The following GADL1 variants were observed in gnomAD, a reference collection of about 807,000 sequenced individuals.
GADL1 encodes the protein acidic amino acid decarboxylase GADL1.
GADL1 carries 71 observed loss-of-function variants against 69.5 expected under a neutral mutation model. The observed-to-expected ratio is 1.02, with a 90% CI of 0.84 to 1.25. The LOEUF (loss-of-function observed/expected upper bound fraction) is 1.25, where lower values mean the gene tolerates loss of function less well. GADL1 is among the 50% of genes most tolerant of loss of function. GADL1 has a pLI of 0.00. For missense variants in GADL1, 737 were observed against 631.8 expected (o/e 1.17, Z -1.79); for synonymous variants, 254 against 214.4 (o/e 1.18, Z -1.62).
chr3:30,754,977 A>AG (rs554283247), intron 14 of GADL1, among the ~76,000 whole-genome samples: 1,667 of 152,216 alleles, frequency 0.011, 21 homozygotes, highest in African/African-American at 0.038. Context: ...GCAGACCAAA[A>AG]CGGGGGAGCA....
chr3:30,767,217 C>A (rs1696302360), intron 14 of GADL1, among the ~76,000 whole-genome samples: 2 of 152,130 alleles, frequency 1.3e-5, no homozygotes, highest in African/African-American at 4.8e-5. Context: ...GCATTATTTA[C>A]TTCAGAATCA....
intron 14 of GADL1, among the ~76,000 whole-genome samples, chr3:30,768,120 G>A (rs1292765719): frequency 6.8e-6 from 1 of 147,408 alleles, no homozygotes; most frequent in East Asian, 2.0e-4. Flanking sequence ...CATTGCAAAT[G>A]TATACAGACT....
intron 1 of GADL1, among the ~76,000 whole-genome samples, chr3:30,886,861 T>C (rs1487447804): frequency 6.6e-6 from 1 of 152,168 alleles, no homozygotes; most frequent in Non-Finnish European, 1.5e-5. Flanking sequence ...TAGGGTACAT[T>C]GGAGCTTCGG....
At chr3:30,782,115 G>A (rs560510972) in intron 13 of GADL1, among the ~76,000 whole-genome samples, 1 of 152,294 alleles carries the variant, frequency 6.6e-6, no homozygotes, top group Admixed American at 6.5e-5. Context: ...AGCTAGAAAC[G>A]AAGATGGGAG....
At chr3:30,808,034 G>C (rs1697286796) in intron 11 of GADL1, among the ~76,000 whole-genome samples, 1 of 152,062 alleles carries the variant, frequency 6.6e-6, no homozygotes, top group African/African-American at 2.4e-5. Flanking sequence ...CCCTTCGGGG[G>C]GGAAATAAAA....
intron 6 of GADL1, among the ~76,000 whole-genome samples, chr3:30,846,366 C>T (rs1385251516): frequency 2.6e-5 from 4 of 152,176 alleles, no homozygotes; most frequent in African/African-American, 9.6e-5. Context: ...GATAAAATAG[C>T]AAGTGCCTAC....
rs550228045 is a variant in GADL1 at position 30,728,838 on chromosome 3, C to T, written c.1393-423G>A. Among the ~76,000 whole-genome samples the T allele has an allele frequency of 2.6e-5, 4 of 152,046 alleles. No individual in the cohort carries two copies. The South Asian group carries it at 6.2e-4, about 24-fold the overall frequency. The stretch of plus-strand genomic sequence containing the variant: ...TCAAATTTGTCTTAACTAAAAAACA[C>T]CCCAGTTCAGGTATCTTGAATAAAG... On this transcript the variant is annotated intron_variant, in intron 14 of 14. Transcript: ENST00000282538.
At chr3:30,811,435 G>T (rs777631764) in intron 11 of GADL1, among the ~76,000 whole-genome samples, 4 of 152,110 alleles carry the variant, frequency 2.6e-5, no homozygotes, top group Non-Finnish European at 5.9e-5. Flanking sequence ...AGTACAATCG[G>T]TCTTCTCTCT....
At chr3:30,803,797 C>G (rs1347209342) in intron 11 of GADL1, among the ~76,000 whole-genome samples, 1 of 152,158 alleles carries the variant, frequency 6.6e-6, no homozygotes, top group East Asian at 1.9e-4. Context: ...ATGAGATGTC[C>G]TTTAGTTTTA....
chr3:30,807,645 G>GT (rs1697277820), intron 11 of GADL1, among the ~76,000 whole-genome samples: 1 of 152,224 alleles, frequency 6.6e-6, no homozygotes. Context: ...TGTAACTTGA[G>GT]TTTTCTCCAG....
chr3:30,764,332 AAG>A (rs986589994), intron 14 of GADL1, among the ~76,000 whole-genome samples: 2 of 151,878 alleles, frequency 1.3e-5, no homozygotes, highest in African/African-American at 2.4e-5. Flanking sequence ...TGTAGACTCT[AAG>A]AGAAACCATG....
chr3:30,876,669 A>G (rs1017289612), intron 1 of GADL1, among the ~76,000 whole-genome samples: 1 of 146,848 alleles, frequency 6.8e-6, no homozygotes, highest in Non-Finnish European at 1.5e-5. Flanking sequence ...CCTGCAGCCT[A>G]TTTTGGTCAG....
At chr3:30,784,070 A>C (rs1261815606) in intron 13 of GADL1, among the ~76,000 whole-genome samples, 1 of 152,196 alleles carries the variant, frequency 6.6e-6, no homozygotes, top group Non-Finnish European at 1.5e-5. Flanking sequence ...AAAGTGATCA[A>C]ACTCAATTCA....
At chr3:30,795,411 G>A (rs1161226490) in intron 12 of GADL1, among the ~76,000 whole-genome samples, 1 of 152,108 alleles carries the variant, frequency 6.6e-6, no homozygotes, top group Non-Finnish European at 1.5e-5. Context: ...AGAGTCCACT[G>A]TTAAATATTC....
At chr3:30,800,311 A>T (rs1697133757) in intron 12 of GADL1, 1 of 152,700 alleles carries the variant, frequency 6.5e-6, no homozygotes, top group Admixed American at 6.5e-5. Context: ...AAAAGTAGAA[A>T]CCCCTGATAA....
At chr3:30,762,060 A>G (rs1696149678) in intron 14 of GADL1, among the ~76,000 whole-genome samples, 1 of 152,194 alleles carries the variant, frequency 6.6e-6, no homozygotes, top group African/African-American at 2.4e-5. Flanking sequence ...TGGATGCAGG[A>G]GACAGTCTAC....
At chr3:30,823,043 A>G (rs1391685651) in intron 11 of GADL1, among the ~76,000 whole-genome samples, 1 of 152,058 alleles carries the variant, frequency 6.6e-6, no homozygotes, top group Non-Finnish European at 1.5e-5. Context: ...GATGAATTAA[A>G]GACCTTCCCA....
intron 14 of GADL1, among the ~76,000 whole-genome samples, chr3:30,752,994 A>G (rs1234726568): frequency 2.0e-5 from 3 of 152,146 alleles, no homozygotes; most frequent in African/African-American, 4.8e-5. Context: ...GTATTTAAAT[A>G]TTAAATTTTA....
rs1190455991 is a variant in GADL1 at position 30,768,209 on chromosome 3, C to CT, written c.1392+9969dup. Reference sequence around the variant, plus strand: ...TCAGGCAGCAATTACATTTTGAGCACTTTATCGTCTGGAAATAATAGCAAA... The same window carrying CT: ...TCAGGCAGCAATTACATTTTGAGCACTTTTATCGTCTGGAAATAATAGCAAA... On this transcript the variant is annotated intron_variant, in intron 14 of 14. Coordinates refer to ENST00000282538, the MANE Select transcript of GADL1 (RefSeq NM_207359.3). Among the ~76,000 whole-genome samples the CT allele has an allele frequency of 2.4e-4, 36 of 152,032 alleles. 1 individual carries two copies. Among genetic ancestry groups the CT allele is most frequent in the Admixed American group, 2.0e-3 (30 of 15,262 alleles).
Sources: allele counts gnomAD v4.1 joint callset (sites outside exome capture counted in the v4.1 genomes callset), GRCh38; gene constraint gnomAD v4.1.1; transcripts MANE v1.5; gene names NCBI Gene and HGNC (gene_info 2026-07-23, HGNC 2026-07-21).